GPR137: variants seen among roughly 807,000 people sequenced by gnomAD.
GPR137 encodes G protein-coupled receptor 137, also known as integral membrane protein GPR137.
GPR137 carries 20 observed loss-of-function variants against 38.9 expected under a neutral mutation model. The observed-to-expected ratio is 0.51, with a 90% CI of 0.36 to 0.75. The LOEUF (loss-of-function observed/expected upper bound fraction) is 0.75. Among genes scored for constraint, GPR137 ranks in the 30% least tolerant of loss-of-function variants. The pLI is 0.00. For synonymous variants in GPR137, 226 were observed against 235.8 expected, an observed-to-expected ratio of 0.96 and a Z score of 0.38; for missense variants, 456 against 526.4, an observed-to-expected ratio of 0.87 and a Z score of 1.31.
Position 64,286,399 on chromosome 11 carries a change from C to T in GPR137, c.-126C>T. ...AGGAGGGGCCTGTCAGCCACAACTT[C>T]TTTCCTCCTGAGCGCCCCATCTCCC... On this transcript the variant is annotated 5_prime_UTR_variant, in exon 1 of 7. Transcript: ENST00000438980. 2 of 1,445,832 alleles carry T rather than the reference C, an allele frequency of 1.4e-6. No homozygotes were observed. The highest frequency in any genetic ancestry group is 1.5e-5 in the South Asian group (1 of 67,428). 89.6% of individuals were successfully genotyped at this position (1,445,832 alleles called of 1,614,324 possible).
Position 64,288,719 on chromosome 11 carries a change from C to A in GPR137, c.1029C>A (p.Thr343=). 6.4e-7 allele frequency: 1 copy of A among 1,551,018 alleles called. No individual in the cohort carries two copies. The highest frequency in any genetic ancestry group is 1.2e-5 in the South Asian group (1 of 84,296). Residue 343 remains threonine, a splice_region_variant and synonymous_variant, in exon 6 of 7, where the codon ACC becomes ACA. Coordinates refer to ENST00000438980, the MANE Select transcript of GPR137 (RefSeq NM_001170880.2). The surrounding 1 kb of genome is among the most constrained non-coding windows in gnomAD (Gnocchi z 5.5). ...GGGAGCACAGCCGGGGTGAGAGCAC[C>A]AGGTAGGAGCCGTGGCACTGCCTCA... is the stretch of plus-strand genomic sequence containing the variant. The part of the protein sequence containing the change: ...CSWEHSRGES[T]SMSGSLGSGS...
At chr11:64,279,795 TC>T (rs1279024452), upstream of GPR137, among the ~76,000 whole-genome samples, 13 of 144,818 alleles carry the variant, frequency 9.0e-5, no homozygotes, top group Admixed American at 8.2e-4. Context: ...TCCCCCTCTA[TC>T]CCACCCTCTA....
rs1173991401 is a variant in GPR137, at chr11:64,288,597, C to T, written c.913-6C>T. On this transcript the variant is annotated splice_region_variant and splice_polypyrimidine_tract_variant and intron_variant, in intron 5 of 6. Coordinates refer to ENST00000438980, the MANE Select transcript of GPR137 (RefSeq NM_001170880.2). This position sits in a 1 kb window ranked among gnomAD's most constrained non-coding sequence, Gnocchi z 5.5. Reference sequence around the variant, plus strand: ...AGTAAGTATCGATGATGGCTTCCTCCCCCAGAGCACCAGCCACATCCTCAA... The same window carrying T: ...AGTAAGTATCGATGATGGCTTCCTCTCCCAGAGCACCAGCCACATCCTCAA... The T allele has an allele frequency of 3.1e-6, 5 of 1,613,196 alleles. No homozygotes were observed. The highest frequency in any genetic ancestry group is 4.2e-6 in the Non-Finnish European group (5 of 1,179,738).
upstream of GPR137, chr11:64,284,424 G>A (rs1423662154): frequency 6.2e-7 from 1 of 1,608,190 alleles, no homozygotes; most frequent in Non-Finnish European, 8.5e-7. Context: ...GGGGCCAACG[G>A]TGGCCCTGGA....
At chr11:64,284,675 C>G (rs1300025192), upstream of GPR137, 2 of 1,535,580 alleles carry the variant, frequency 1.3e-6, no homozygotes, top group Middle Eastern at 3.3e-4. Context: ...TGCCGCCTCC[C>G]TCCAGCACCC....
intron 2 of GPR137, chr11:64,276,744 C>G: frequency 1.7e-6 from 1 of 587,124 alleles, no homozygotes; most frequent in Non-Finnish European, 3.0e-6. Context: ...TCTCCCTTCT[C>G]TGGGGAAGGG....
chr11:64,284,434 A>AAGGCAGAGGCAGGTACCCCTGGC (rs777079956), upstream of GPR137: 7 of 1,606,022 alleles, frequency 4.4e-6, no homozygotes, highest in African/African-American at 6.7e-5. Flanking sequence ...GTGGCCCTGG[A>AAGGCAGAGGCAGGTACCCCTGGC]AGGCAGAGGC....
upstream of GPR137, among the ~76,000 whole-genome samples, chr11:64,272,117 G>A (rs144256002): frequency 0.022 from 3,404 of 152,260 alleles, 46 homozygotes; most frequent in Non-Finnish European, 0.035. Flanking sequence ...TCAGGAGATC[G>A]AGACCATCCT....
At chr11:64,274,992 C>CAAAAAAAAAAAA (rs34418386), upstream of GPR137, among the ~76,000 whole-genome samples, 32 of 54,398 alleles carry the variant, frequency 5.9e-4, 2 homozygotes, top group African/African-American at 2.6e-3. Flanking sequence ...GACTTTGTCT[C>CAAAAAAAAAAAA]AAAAAAAAAA....
chr11:64,284,453 C>T (rs1565353597), upstream of GPR137: 1 of 1,600,034 alleles, frequency 6.2e-7, no homozygotes, highest in Non-Finnish European at 8.5e-7. Flanking sequence ...GCAGGTACCC[C>T]TGGCTTCCTC....
chr11:64,273,905 G>A (rs1346734445), upstream of GPR137, among the ~76,000 whole-genome samples: 3 of 149,918 alleles, frequency 2.0e-5, no homozygotes, highest in Non-Finnish European at 4.4e-5. Context: ...GAAACATGCT[G>A]GGTGTTTATG....
upstream of GPR137, chr11:64,285,012 A>G: frequency 8.1e-7 from 1 of 1,230,034 alleles, no homozygotes. Flanking sequence ...AAGTGGGGAT[A>G]GTGACAGCTC....
At chr11:64,284,920 C>G, upstream of GPR137, 1 of 1,415,750 alleles carries the variant, frequency 7.1e-7, no homozygotes, top group African/African-American at 1.5e-5. Flanking sequence ...GAGGGATTCT[C>G]TGGGGTCCCC....
At chr11:64,285,295 C>T (rs562470069), upstream of GPR137, 2,349 of 985,856 alleles carry the variant, frequency 2.4e-3, 4 homozygotes, top group Admixed American at 8.5e-3. Context: ...GGGATGGCTG[C>T]CCGGGCGCGG....
rs1342911852 is a variant in GPR137, at chr11:64,287,972, G to T, written c.633+26G>T. ...GTAGGGCTGCAGCACTGATGCCCAG[G>T]TGTCTTTTGGGTCTCTCGGCAGCGG... On this transcript the variant is annotated intron_variant, in intron 3 of 6. Coordinates refer to ENST00000438980, the MANE Select transcript of GPR137 (RefSeq NM_001170880.2). 8 of 1,601,334 alleles carry T rather than the reference G, an allele frequency of 5.0e-6. No homozygotes were observed. In the African/African-American group the frequency reaches 6.7e-5, roughly 13 times the overall value.
In GPR137 at chr11:64,288,615, A is replaced by G. The variant is rs779960366; in HGVS notation, c.925A>G (p.Ile309Val). 3 of 1,613,370 alleles carry G rather than the reference A, an allele frequency of 1.9e-6. No individual in the cohort carries two copies. Among genetic ancestry groups the G allele is most frequent in the South Asian group, 1.1e-5 (1 of 90,944 alleles). ...CTTCCTCCCCCAGAGCACCAGCCAC[A>G]TCCTCAATGGGCAGGTCTTTGCCTC... is the stretch of plus-strand genomic sequence containing the variant. ...RPPQDLSTSH[I>V]LNGQVFASRS... Residue 309 changes from isoleucine (I) to valine (V), a missense_variant, in exon 6 of 7, where the codon ATC becomes GTC. Physicochemically the swap from Ile to Val is conservative, Grantham distance 29. Transcript: ENST00000438980. This position sits in a 1 kb window ranked among gnomAD's most constrained non-coding sequence, Gnocchi z 5.5.
chr11:64,285,042 CTT>C (rs907917699), upstream of GPR137: 16 of 1,168,030 alleles, frequency 1.4e-5, no homozygotes, highest in African/African-American at 2.1e-4. Flanking sequence ...CCAGTGAAAA[CTT>C]TGTGAAGGGA....
chr11:64,274,345 C>T (rs11606014), upstream of GPR137, among the ~76,000 whole-genome samples: 18,390 of 151,500 alleles, frequency 0.12, 1,415 homozygotes, highest in Non-Finnish European at 0.16. Context: ...TGAGATCACG[C>T]CACTGCACTC....
upstream of GPR137, among the ~76,000 whole-genome samples, chr11:64,283,035 T>C (rs139424379): frequency 7.9e-5 from 12 of 152,134 alleles, no homozygotes; most frequent in Admixed American, 2.0e-4. Flanking sequence ...TCCTGGGTGA[T>C]AGAGCGAGAC....
Sources: allele counts gnomAD v4.1 joint callset (sites outside exome capture counted in the v4.1 genomes callset), GRCh38; gene constraint gnomAD v4.1.1; non-coding constraint Gnocchi (gnomAD v3.1); transcripts MANE v1.5; gene names NCBI Gene and HGNC (gene_info 2026-07-23, HGNC 2026-07-21).